The following PDXK variants were observed in gnomAD, a reference collection of about 807,000 sequenced individuals.
The protein encoded by PDXK is pyridoxal kinase, also known as epididymis secretory sperm binding protein Li 1a.
Under a neutral mutation model 43.2 loss-of-function variants are expected in PDXK, and 15 were observed. The ratio of observed to expected loss-of-function variants is 0.35; its 90% confidence interval spans 0.23 to 0.53. The LOEUF is 0.53. PDXK is among the 20% of genes least tolerant of loss of function. PDXK has a pLI of 0.92. For missense variants in PDXK, 343 were observed against 417.0 expected, an observed-to-expected ratio of 0.82 and a Z score of 1.54; for synonymous variants, 172 against 165.4, an observed-to-expected ratio of 1.04 and a Z score of -0.31.
intron 1 of PDXK, chr21:43,719,708 CG>C (rs900388175): frequency 1.0e-6 from 1 of 985,248 alleles, no homozygotes; most frequent in Non-Finnish European, 1.2e-6. Flanking sequence ...GCCGCGGGGG[CG>C]GGCGGGCGGT....
Position 43,723,153 on chromosome 21 carries a change from C to CTT in PDXK, c.87+3774_87+3775dup, listed in dbSNP as rs2083221887. ...CACGCCTGGCCTTCTTTTTCTTTTT[C>CTT]TTTCTTTTTTTTTTTTTTGAGACGA... On this transcript the variant is annotated intron_variant, in intron 1 of 10. Transcript: ENST00000291565. This position sits in a 1 kb window ranked among gnomAD's most constrained non-coding sequence, Gnocchi z 4.1. Among the ~76,000 whole-genome samples the CTT allele has an allele frequency of 7.0e-6, 1 of 143,002 alleles. No homozygotes were observed. The highest frequency in any genetic ancestry group is 1.5e-5 in the Non-Finnish European group (1 of 67,318). 93.8% of individuals were successfully genotyped at this position (143,002 alleles called of 152,430 possible).
At position 43,750,548 on chromosome 21, in the gene PDXK, A is replaced by G; in HGVS notation, c.510+3A>G. 1.9e-6 allele frequency: 3 copies of G among 1,612,370 alleles called. No homozygotes were observed. Among genetic ancestry groups the G allele is most frequent in the East Asian group, 2.2e-5 (1 of 44,870 alleles). ...ACAGCCAGGAGGAAGCCTTGCGGGT[A>G]AGGAGGCCCTCTGGGGCCTGTGCGG... On this transcript the variant is annotated splice_donor_region_variant and intron_variant, in intron 7 of 10. Transcript: ENST00000291565.
chr21:43,755,632 G>A, intron 9 of PDXK, 66 bp from the exon 10 acceptor site: 1 of 1,305,822 alleles, frequency 7.7e-7, no homozygotes, highest in South Asian at 1.2e-5. Flanking sequence ...ATCCCCTCCT[G>A]GCAGCAGTGG....
chr21:43,752,702 A>G, intron 8 of PDXK, 73 bp downstream of exon 8: 1 of 930,534 alleles, frequency 1.1e-6, no homozygotes, highest in Non-Finnish European at 1.7e-6. Flanking sequence ...GGCTGCAAGA[A>G]TGTTTTGGGT....
At position 43,755,959 on chromosome 21, in the gene PDXK, G is replaced by A. The variant is rs373271632; in HGVS notation, c.835G>A (p.Gly279Arg). 8.1e-6 allele frequency: 13 copies of A among 1,608,930 alleles called. No homozygotes were observed. Among genetic ancestry groups the A allele is most frequent in the East Asian group, 4.5e-5 (2 of 44,736 alleles). The change falls in exon 11 of 11, where the codon GGG (glycine) becomes AGG (arginine). Residue 279 changes from glycine (G) to arginine (R), a missense_variant. Gly to Arg is a moderately radical substitution (Grantham distance 125). Transcript: ENST00000291565. ...RTIQCAKAQAGEGVRPSPMQL... is the reference protein window; with the variant it reads ...RTIQCAKAQAREGVRPSPMQL... ...CTCTGCCTGCCCCGCAGCCCAGGCC[G>A]GGGAAGGAGTGAGGCCCAGCCCCAT...
chr21:43,747,520 C>T (rs551618245), intron 5 of PDXK, among the ~76,000 whole-genome samples: 8 of 152,244 alleles, frequency 5.3e-5, no homozygotes, highest in Non-Finnish European at 1.0e-4. Context: ...CTGGGTGGGG[C>T]GGGCTGGTGT....
rs1247319963 is a variant in PDXK, at chr21:43,733,262, C to T, written c.88-807C>T. Among the ~76,000 whole-genome samples the T allele has an allele frequency of 3.5e-5, 4 of 114,368 alleles. 1 individual carries two copies. Among genetic ancestry groups the T allele is most frequent in the Non-Finnish European group, 7.4e-5 (4 of 53,808 alleles). The allele number at this position is 114,368 out of a possible 152,430, so 75.0% of individuals were successfully genotyped here. Reference sequence around the variant, plus strand: ...GCCCCTCCCCATCCCCACCCCCCCCCCCGCCCCCCCCGCCCTGGAAACAGC... The same window carrying T: ...GCCCCTCCCCATCCCCACCCCCCCCTCCGCCCCCCCCGCCCTGGAAACAGC... On this transcript the variant is annotated intron_variant, in intron 1 of 10. Transcript: ENST00000291565.
Position 43,754,590 on chromosome 21 carries a change from C to CA in PDXK, c.759+875dup, listed in dbSNP as rs750299772. Among the ~76,000 whole-genome samples the CA allele has an allele frequency of 3.3e-5, 5 of 152,130 alleles. No individual in the cohort carries two copies. The highest frequency in any genetic ancestry group is 4.8e-5 in the African/African-American group (2 of 41,428). ...GTCCCCAGCCCCTGGGCTCAGCCCC[C>CA]AAAACTCCCCTGGGTACTTCCCACT... On this transcript the variant is annotated intron_variant, in intron 9 of 10. Transcript: ENST00000291565. This position sits in a 1 kb window ranked among gnomAD's most constrained non-coding sequence, Gnocchi z 5.5.
Position 43,756,053 on chromosome 21 carries a change from C to A in PDXK, c.929C>A (p.Thr310Lys), listed in dbSNP as rs372671985. ...IEDPEIVVQA[T>K]VL Reference sequence around the variant, plus strand: ...GACCCAGAGATCGTCGTCCAGGCCACGGTGCTGTGAGGGCCCCGCCGCTTG... The same window carrying A: ...GACCCAGAGATCGTCGTCCAGGCCAAGGTGCTGTGAGGGCCCCGCCGCTTG... The change falls in exon 11 of 11, where the codon ACG (threonine) becomes AAG (lysine). Residue 310 changes from threonine (T) to lysine (K), a missense_variant. Thr to Lys is a moderately conservative substitution (Grantham distance 78). Transcript: ENST00000291565. 1.2e-6 allele frequency: 2 copies of A among 1,604,290 alleles called. No individual in the cohort carries two copies. Among genetic ancestry groups the A allele is most frequent in the Non-Finnish European group, 1.7e-6 (2 of 1,173,928 alleles).
In PDXK at chr21:43,758,971, T is replaced by G. The variant is rs2083893668; in HGVS notation, c.*2908T>G. 2 of 152,244 alleles carry G rather than the reference T, an allele frequency of 1.3e-5. No homozygotes were observed. The allele number at this position is 152,244 out of a possible 1,614,324, so 9.4% of individuals were successfully genotyped here. On this transcript the variant is annotated 3_prime_UTR_variant, in exon 11 of 11. Transcript: ENST00000291565. ...GATGCTTTGTTTAATGTCCTGTTCTTAAGCTCGTTAGAGCCAGTTTTGAAA... is the reference window on the plus strand; with the variant it reads ...GATGCTTTGTTTAATGTCCTGTTCTGAAGCTCGTTAGAGCCAGTTTTGAAA...
intron 2 of PDXK, among the ~76,000 whole-genome samples, chr21:43,739,124 C>T (rs1030792824): frequency 1.3e-5 from 2 of 151,960 alleles, no homozygotes; most frequent in Non-Finnish European, 2.9e-5. Context: ...TTAGTAGGGA[C>T]GGGGTTTCAC....
chr21:43,755,483 G>A (rs375164847), intron 9 of PDXK: 20 of 585,090 alleles, frequency 3.4e-5, no homozygotes, highest in Admixed American at 1.5e-4. Context: ...GCAGGTAGCT[G>A]GGACCGGGCA....
rs778103663 is a variant in PDXK at position 43,761,387 on chromosome 21, G to C, written c.*5324G>C. ...CACCCCATGCATCTCTGTCCTGCCC[G>C]TCAGTGCTGGGACGGACAGCAAGGG... is the stretch of plus-strand genomic sequence containing the variant. On this transcript the variant is annotated 3_prime_UTR_variant, in exon 11 of 11. Transcript: ENST00000291565. The C allele has an allele frequency of 6.4e-6, 1 of 156,198 alleles. No homozygotes were observed. Among genetic ancestry groups the C allele is most frequent in the Non-Finnish European group, 1.4e-5 (1 of 69,566 alleles). The allele number at this position is 156,198 out of a possible 1,614,324, so 9.7% of individuals were successfully genotyped here. A position where few individuals can be genotyped will look rare whatever the true frequency, so the allele number is the denominator to read the frequency against.
In PDXK at chr21:43,737,516, G is replaced by A; in HGVS notation, c.142+3393G>A. On this transcript the variant is annotated intron_variant, in intron 2 of 10. Coordinates refer to ENST00000291565, the MANE Select transcript of PDXK (RefSeq NM_003681.5). The surrounding 1 kb of genome is among the most constrained non-coding windows in gnomAD (Gnocchi z 4.8). The stretch of plus-strand genomic sequence containing the variant: ...TGGGAAGGAGCCTGCGGAGCTGGAG[G>A]TCAGCGGGTGGACGGGTTGCGCTGT... 9.7e-7 allele frequency: 1 copy of A among 1,028,020 alleles called. No individual in the cohort carries two copies. Among genetic ancestry groups the A allele is most frequent in the East Asian group, 1.0e-4 (1 of 9,722 alleles). 63.7% of individuals were successfully genotyped at this position (1,028,020 alleles called of 1,614,324 possible).
chr21:43,736,926 G>T (rs1053382636), intron 2 of PDXK: 2 of 700,120 alleles, frequency 2.9e-6, no homozygotes, highest in Non-Finnish European at 2.6e-6. Context: ...GAGACTCCAC[G>T]CCCAGTCTTT....
chr21:43,724,378 C>T (rs953226734), intron 1 of PDXK, among the ~76,000 whole-genome samples: 1 of 152,100 alleles, frequency 6.6e-6, no homozygotes, highest in African/African-American at 2.4e-5. Flanking sequence ...TACTGGGCCC[C>T]GCTTCTCCGG....
intron 1 of PDXK, chr21:43,719,709 G>T: frequency 1.0e-6 from 1 of 985,476 alleles, no homozygotes; most frequent in Non-Finnish European, 1.2e-6. Flanking sequence ...CCGCGGGGGC[G>T]GGCGGGCGGT....
At chr21:43,722,325 A>G (rs1199668031) in intron 1 of PDXK, among the ~76,000 whole-genome samples, 1 of 152,214 alleles carries the variant, frequency 6.6e-6, no homozygotes, top group East Asian at 1.9e-4. Flanking sequence ...CCTGGCTATC[A>G]GTTCAGCAGC....
At chr21:43,743,873 C>A in intron 4 of PDXK, 66 bp downstream of exon 4, 1 of 1,143,454 alleles carries the variant, frequency 8.7e-7, no homozygotes. Flanking sequence ...GCCTGGGAGC[C>A]CGGGAAGGGA....
Sources: gnomAD v4.1 joint callset for allele counts (sites outside exome capture counted in the v4.1 genomes callset) on GRCh38, gnomAD v4.1.1 for gene constraint, Gnocchi (gnomAD v3.1) non-coding constraint, MANE v1.5 for transcripts, NCBI Gene and HGNC (gene_info 2026-07-23, HGNC 2026-07-21) for gene names.